C10orf90: variants seen among roughly 807,000 people sequenced by gnomAD.
C10orf90 encodes chromosome 10 open reading frame 90.
In C10orf90, 56 loss-of-function variants were observed where a neutral mutation model predicts 62.5. That is an observed-to-expected ratio of 0.90 (90% CI 0.72 to 1.12). C10orf90 has a LOEUF of 1.12. C10orf90 is among the 50% of genes most tolerant of loss of function. The probability of loss-of-function intolerance (pLI) is 0.00; values close to 1 mark genes in which losing one functional copy is unlikely to be tolerated. For missense variants in C10orf90, 970 were observed against 880.4 expected, an observed-to-expected ratio of 1.10 and a Z score of -1.29; for synonymous variants, 386 against 340.4, an observed-to-expected ratio of 1.13 and a Z score of -1.47.
rs116892390 is a variant in C10orf90 at position 126,444,692 on chromosome 10, A to G, written c.2188+14348T>C. On this transcript the variant is annotated intron_variant, in intron 7 of 9. Transcript: ENST00000488181. ...ACAATTCTAAAATCCATGTGAAATC[A>G]AAAAAGAGCCCACATAGCCAAACCA... Among the ~76,000 whole-genome samples the G allele has an allele frequency of 8.7e-4, 133 of 152,244 alleles. 1 individual carries two copies. In the East Asian group the frequency reaches 0.015, roughly 17 times the overall value.
intron 2 of C10orf90, among the ~76,000 whole-genome samples, chr10:126,516,373 T>C (rs1863439799): frequency 6.6e-6 from 1 of 152,192 alleles, no homozygotes; most frequent in Non-Finnish European, 1.5e-5. Context: ...TTGCTATCAC[T>C]GTGGCATCAG....
At chr10:126,645,452 T>C (rs981761216) in intron 2 of C10orf90, among the ~76,000 whole-genome samples, 2 of 151,082 alleles carry the variant, frequency 1.3e-5, no homozygotes, top group African/African-American at 4.9e-5. Flanking sequence ...TAGCTAGGGA[T>C]GGTGGTGCGT....
chr10:126,553,765 A>C (rs1864693573), intron 2 of C10orf90, among the ~76,000 whole-genome samples: 2 of 152,136 alleles, frequency 1.3e-5, no homozygotes, highest in South Asian at 4.1e-4. Flanking sequence ...TGATGAAAAC[A>C]CCTAACGACA....
intron 4 of C10orf90, among the ~76,000 whole-genome samples, chr10:126,486,664 A>G (rs926462718): frequency 6.6e-6 from 1 of 152,220 alleles, no homozygotes; most frequent in Non-Finnish European, 1.5e-5. Flanking sequence ...AAAGAGCTAG[A>G]AAGCACTTTT....
intron 2 of C10orf90, among the ~76,000 whole-genome samples, chr10:126,600,707 A>ATG (rs376207407): frequency 3.9e-5 from 6 of 152,132 alleles, no homozygotes; most frequent in Admixed American, 2.6e-4. Flanking sequence ...AAAAGACTGA[A>ATG]TGTGTGTGTG....
At chr10:126,458,538 A>G (rs1004866647) in intron 7 of C10orf90, among the ~76,000 whole-genome samples, 14 of 152,208 alleles carry the variant, frequency 9.2e-5, no homozygotes, top group Non-Finnish European at 1.6e-4. Flanking sequence ...GTGAGTAAGT[A>G]AGTGCCCTCC....
At chr10:126,476,548 C>A (rs1451241769) in intron 4 of C10orf90, among the ~76,000 whole-genome samples, 1 of 152,220 alleles carries the variant, frequency 6.6e-6, no homozygotes, top group Admixed American at 6.5e-5. Context: ...GCCTCCGTCT[C>A]CTGTGACTGC....
At chr10:126,567,115 T>C (rs1256535803) in intron 2 of C10orf90, among the ~76,000 whole-genome samples, 1 of 152,086 alleles carries the variant, frequency 6.6e-6, no homozygotes, top group Non-Finnish European at 1.5e-5. Context: ...GTTACAGCCA[T>C]GGGGATTGTA....
At chr10:126,570,289 A>G (rs1844479787) in intron 2 of C10orf90, among the ~76,000 whole-genome samples, 1 of 152,180 alleles carries the variant, frequency 6.6e-6, no homozygotes. Context: ...GTGCATTTTC[A>G]ACAGTGCTGG....
intron 2 of C10orf90, among the ~76,000 whole-genome samples, chr10:126,570,142 T>C (rs1031160539): frequency 6.6e-6 from 1 of 152,216 alleles, no homozygotes; most frequent in African/African-American, 2.4e-5. Context: ...TCCCACGTAA[T>C]TGCAGCCCCT....
At position 126,459,201 on chromosome 10, in the gene C10orf90, C is replaced by A; in HGVS notation, c.2027G>T (p.Arg676Leu). The A allele has an allele frequency of 6.2e-7, 1 of 1,613,954 alleles. No individual in the cohort carries two copies. The highest frequency in any genetic ancestry group is 8.5e-7 in the Non-Finnish European group (1 of 1,180,038). Residue 676 changes from arginine (R) to leucine (L), a missense_variant, in exon 7 of 10, where the codon CGT becomes CTT. Transcript: ENST00000488181. ...TGAGCGAGAAATGAACTGAGGCTTA[C>A]GAACTTCCAGTGCTTCCTATGCAAA... ...SLTLQEALEV[R>L]KPQFISRSQE...
At chr10:126,579,129 G>A (rs1844690285) in intron 2 of C10orf90, among the ~76,000 whole-genome samples, 1 of 151,896 alleles carries the variant, frequency 6.6e-6, no homozygotes, top group Non-Finnish European at 1.5e-5. Flanking sequence ...TCACTTGCCA[G>A]GGTAGCAACA....
chr10:126,547,360 A>G (rs1343403525), intron 2 of C10orf90, among the ~76,000 whole-genome samples: 1 of 152,084 alleles, frequency 6.6e-6, no homozygotes, highest in Non-Finnish European at 1.5e-5. Context: ...CGGAGCTTGC[A>G]GTGAGCCAAG....
chr10:126,584,674 G>C (rs1844824544), intron 2 of C10orf90, among the ~76,000 whole-genome samples: 1 of 152,166 alleles, frequency 6.6e-6, no homozygotes, highest in Admixed American at 6.5e-5. Flanking sequence ...GAGACCAAGG[G>C]ACCCAAACCC....
At chr10:126,475,522 C>G (rs865954111) in intron 4 of C10orf90, among the ~76,000 whole-genome samples, 2 of 152,214 alleles carry the variant, frequency 1.3e-5, no homozygotes, top group African/African-American at 2.4e-5. Context: ...GCATGGCCGT[C>G]ATTCTTGTTT....
At chr10:126,584,784 T>G (rs539047924) in intron 2 of C10orf90, among the ~76,000 whole-genome samples, 1 of 152,184 alleles carries the variant, frequency 6.6e-6, no homozygotes, top group African/African-American at 2.4e-5. Context: ...TATTAGTTTT[T>G]AAGAATTTCT....
chr10:126,565,448 AC>A (rs1844363020), intron 2 of C10orf90, among the ~76,000 whole-genome samples: 1 of 80,854 alleles, frequency 1.2e-5, no homozygotes, highest in Non-Finnish European at 2.6e-5. Flanking sequence ...ACACACACAC[AC>A]ACACACACAC....
At chr10:126,432,564 C>T (rs766261557) in intron 7 of C10orf90, among the ~76,000 whole-genome samples, 2 of 152,252 alleles carry the variant, frequency 1.3e-5, no homozygotes, top group East Asian at 1.9e-4. Flanking sequence ...AAGAAGTCCC[C>T]GCAGGGGAGG....
intron 2 of C10orf90, among the ~76,000 whole-genome samples, chr10:126,550,377 G>A (rs545337604): frequency 6.6e-6 from 1 of 152,256 alleles, no homozygotes; most frequent in Non-Finnish European, 1.5e-5. Context: ...ATCAACAGGA[G>A]GGAACCTTGT....
Sources: gnomAD v4.1 joint callset for allele counts (sites outside exome capture counted in the v4.1 genomes callset) on GRCh38, gnomAD v4.1.1 for gene constraint, MANE v1.5 for transcripts, NCBI Gene and HGNC (gene_info 2026-07-23, HGNC 2026-07-21) for gene names.